Variants in OTUD7A observed in about 807,000 individuals in gnomAD.
OTUD7A encodes the protein OTU domain-containing protein 7A.
OTUD7A carries 12 observed loss-of-function variants against 65.7 expected under a neutral mutation model. The observed-to-expected ratio is 0.18, with a 90% CI of 0.12 to 0.30. The LOEUF (loss-of-function observed/expected upper bound fraction) is 0.30, where lower values mean the gene tolerates loss of function less well. OTUD7A is among the 10% of genes least tolerant of loss of function. OTUD7A has a pLI of 1.00. For missense variants in OTUD7A, 1,148 were observed against 1,304.8 expected (o/e 0.88, Z 1.85); for synonymous variants, 641 against 586.3 (o/e 1.09, Z -1.35).
rs868000122 is a variant in OTUD7A at position 31,483,641 on chromosome 15, C to T, written c.2455G>A (p.Ala819Thr). 1 of 1,177,942 alleles carries T rather than the reference C, an allele frequency of 8.5e-7. No homozygotes were observed. The highest frequency in any genetic ancestry group is 1.0e-6 in the Non-Finnish European group (1 of 956,128). 73.0% of individuals were successfully genotyped at this position (1,177,942 alleles called of 1,614,324 possible). ...RSLSSQSYSPARAAALRTVNT... is the reference protein window; with the variant it reads ...RSLSSQSYSPTRAAALRTVNT... ...ACGGTGCGCAGGGCGGCGGCGCGCG[C>T]CGGGCTGTAGCTCTGCGACGACAGC... The change falls in exon 13 of 13, where the codon GCG (alanine) becomes ACG (threonine). Residue 819 changes from alanine to threonine, a missense_variant. This residue lies in a region of OTUD7A where 842 missense variants were observed against 769.5 expected (regional missense o/e 1.09). Transcript: ENST00000307050.
chr15:31,726,494 G>A (rs146646657), intron 1 of OTUD7A, among the ~76,000 whole-genome samples: 3,464 of 152,248 alleles, frequency 0.023, 124 homozygotes, highest in African/African-American at 0.079. Context: ...AGGAAAGGGA[G>A]ATCTAAGCTT....
intron 1 of OTUD7A, among the ~76,000 whole-genome samples, chr15:31,726,042 G>C (rs1893873328): frequency 9.6e-6 from 1 of 104,070 alleles, no homozygotes; most frequent in Non-Finnish European, 2.0e-5. Flanking sequence ...CCTCAACCCT[G>C]AGCCAGACAG....
intron 1 of OTUD7A, among the ~76,000 whole-genome samples, chr15:31,667,141 G>T (rs1284931051): frequency 1.3e-5 from 2 of 152,172 alleles, no homozygotes; most frequent in Non-Finnish European, 2.9e-5. Context: ...TATCTGTTAA[G>T]TCCATTTGTT....
chr15:31,809,529 C>T (rs1341924682), intron 1 of OTUD7A, among the ~76,000 whole-genome samples: 1 of 152,214 alleles, frequency 6.6e-6, no homozygotes, highest in East Asian at 1.9e-4. Context: ...AAAACTTAAG[C>T]ATAAACCTGC....
At chr15:31,754,516 AT>A (rs1201175057) in intron 1 of OTUD7A, among the ~76,000 whole-genome samples, 1 of 152,220 alleles carries the variant, frequency 6.6e-6, no homozygotes, top group Non-Finnish European at 1.5e-5. Context: ...TCTTTAATCC[AT>A]CTTAAGTTGA....
chr15:31,646,766 T>C (rs1187364582), intron 3 of OTUD7A, among the ~76,000 whole-genome samples: 1 of 152,126 alleles, frequency 6.6e-6, no homozygotes, highest in Non-Finnish European at 1.5e-5. Context: ...GCCAAAGTGT[T>C]TAATTTTAAG....
intron 1 of OTUD7A, among the ~76,000 whole-genome samples, chr15:31,791,568 T>C (rs553108489): frequency 3.3e-5 from 5 of 152,274 alleles, no homozygotes; most frequent in Admixed American, 2.0e-4. Context: ...CACAGACACA[T>C]GATGGATGAG....
chr15:31,768,198 C>T, intron 1 of OTUD7A: 1 of 1,184,498 alleles, frequency 8.4e-7, no homozygotes, highest in Non-Finnish European at 1.3e-6. Context: ...ACCCGACTCT[C>T]CACAGGTCTG....
chr15:31,661,152 T>C (rs1303826946), intron 1 of OTUD7A, among the ~76,000 whole-genome samples: 1 of 152,248 alleles, frequency 6.6e-6, no homozygotes, highest in Non-Finnish European at 1.5e-5. Flanking sequence ...TCACTTATTA[T>C]ACTTTTTCAT....
chr15:31,524,119 C>T (rs559757648), intron 8 of OTUD7A, among the ~76,000 whole-genome samples: 1 of 152,096 alleles, frequency 6.6e-6, no homozygotes, highest in South Asian at 2.1e-4. Context: ...TGCATATGCT[C>T]TGTCCTCTTC....
chr15:31,668,069 C>G (rs540090556), intron 1 of OTUD7A, among the ~76,000 whole-genome samples: 1 of 152,294 alleles, frequency 6.6e-6, no homozygotes. Context: ...TCTCACAGCT[C>G]TTAAGATTCT....
At position 31,559,182 on chromosome 15, in the gene OTUD7A, G is replaced by T; in HGVS notation, c.337C>A (p.Arg113=). The T allele has an allele frequency of 6.2e-7, 1 of 1,612,784 alleles. No individual in the cohort carries two copies. The part of the protein sequence containing the change: ...QRQDDIAQEK[R]LSRGISHASS... ...GCGTGGGAAATCCCCCGGGAAAGCC[G>T]CTTTTCTGCAGGGGGAGAAGGAAAG... Residue 113 remains arginine, a synonymous_variant, in exon 5 of 13, where the codon CGG becomes AGG. Transcript: ENST00000307050.
At chr15:31,722,942 G>A (rs1415196395) in intron 1 of OTUD7A, among the ~76,000 whole-genome samples, 1 of 152,254 alleles carries the variant, frequency 6.6e-6, no homozygotes, top group Non-Finnish European at 1.5e-5. Flanking sequence ...TTAGCCCCCT[G>A]ACAGCAGTGT....
intron 1 of OTUD7A, among the ~76,000 whole-genome samples, chr15:31,793,005 C>T (rs1171988834): frequency 6.6e-6 from 1 of 152,202 alleles, no homozygotes; most frequent in East Asian, 1.9e-4. Flanking sequence ...TGCCTCACAC[C>T]ACACACCAAT....
At chr15:31,602,109 C>A (rs1037932046) in intron 3 of OTUD7A, among the ~76,000 whole-genome samples, 1 of 152,150 alleles carries the variant, frequency 6.6e-6, no homozygotes, top group Non-Finnish European at 1.5e-5. Flanking sequence ...TTTTATGAGG[C>A]CAGCATCATC....
chr15:31,762,831 C>A (rs1895003338), intron 1 of OTUD7A, among the ~76,000 whole-genome samples: 1 of 152,096 alleles, frequency 6.6e-6, no homozygotes, highest in Non-Finnish European at 1.5e-5. Context: ...GTCCAGGATT[C>A]AATCCAAATT....
At chr15:31,827,468 G>T (rs146336764) in intron 1 of OTUD7A, among the ~76,000 whole-genome samples, 240 of 152,356 alleles carry the variant, frequency 1.6e-3, no homozygotes, top group Non-Finnish European at 2.8e-3. Context: ...AATTATGGGA[G>T]TATGATTCAA....
chr15:31,537,764 T>C (rs1376042372), intron 5 of OTUD7A, among the ~76,000 whole-genome samples: 1 of 152,220 alleles, frequency 6.6e-6, no homozygotes, highest in East Asian at 1.9e-4. Context: ...GACACCAAAG[T>C]GGGCAGCCTT....
intron 1 of OTUD7A, among the ~76,000 whole-genome samples, chr15:31,677,412 A>G (rs988866470): frequency 3.9e-5 from 6 of 152,126 alleles, no homozygotes; most frequent in Admixed American, 3.3e-4. Context: ...GGTCCATCCA[A>G]TATGGTTTGG....
Sources: gnomAD v4.1 joint callset for allele counts (sites outside exome capture counted in the v4.1 genomes callset) on GRCh38, gnomAD v4.1.1 for gene constraint, gnomAD v4.1.1 regional missense constraint, MANE v1.5 for transcripts, NCBI Gene and HGNC (gene_info 2026-07-23, HGNC 2026-07-21) for gene names.